Variants in B4GALT5 observed in about 807,000 individuals in gnomAD.
B4GALT5 encodes UDP-Gal:beta-GlcNAc beta-1,4-galactosyltransferase 5.
In B4GALT5, 11 loss-of-function variants were observed where a neutral mutation model predicts 45.0. That is an observed-to-expected ratio of 0.24 (90% CI 0.15 to 0.40). B4GALT5 has a LOEUF of 0.40. Ranked by LOEUF, B4GALT5 falls within the 10% of genes least tolerant of loss-of-function variation. The probability of loss-of-function intolerance (pLI) is 1.00; values close to 1 mark genes in which losing one functional copy is unlikely to be tolerated. For synonymous variants in B4GALT5, 185 were observed against 182.9 expected (o/e 1.01, Z -0.09); for missense variants, 337 against 500.2 (o/e 0.67, Z 3.11).
At position 49,640,263 on chromosome 20, in the gene B4GALT5, C is replaced by T. The variant is rs1043170830; in HGVS notation, c.794+215G>A. On this transcript the variant is annotated intron_variant, in intron 6 of 8. Transcript: ENST00000371711. ...CAACCTTTGTGTCTGGCTTCTTTAA[C>T]GTAATGTTTTCGAAGTTCATCCGTG... is the stretch of plus-strand genomic sequence containing the variant. Among the ~76,000 whole-genome samples the T allele has an allele frequency of 7.2e-5, 11 of 152,194 alleles. No homozygotes were observed. In the South Asian group the frequency reaches 1.2e-3, roughly 17 times the overall value.
chr20:49,704,718 C>CAA lies in B4GALT5; in HGVS notation c.115+8856_115+8857dup, dbSNP rs552498759. On this transcript the variant is annotated intron_variant, in intron 1 of 8. Transcript: ENST00000371711. ...TGGGCGACAGAGCAAGACTCTGTCTCAAAAAAAAAACAAAAAAAAACAAAA... is the reference window on the plus strand; with the variant it reads ...TGGGCGACAGAGCAAGACTCTGTCTCAAAAAAAAAAAACAAAAAAAAACAAAA... 2.6e-5 allele frequency among the ~76,000 whole-genome samples: 3 copies of CAA among 114,182 alleles called. No individual in the cohort carries two copies. The East Asian group carries it at 8.2e-4, about 31-fold the overall frequency. The allele number at this position is 114,182 out of a possible 152,430, so 74.9% of individuals were successfully genotyped here.
At position 49,656,685 on chromosome 20, in the gene B4GALT5, T is replaced by C. The variant is rs931293366; in HGVS notation, c.133A>G (p.Met45Val). 5.0e-6 allele frequency: 8 copies of C among 1,614,002 alleles called. No homozygotes were observed. Among genetic ancestry groups the C allele is most frequent in the Middle Eastern group, 3.3e-4 (2 of 6,084 alleles). The change falls in exon 2 of 9, where the codon ATG (methionine) becomes GTG (valine). Residue 45 changes from methionine (M) to valine (V), a missense_variant. Physicochemically the swap from Met to Val is conservative, Grantham distance 21 (BLOSUM62 1). Coordinates refer to ENST00000371711, the MANE Select transcript of B4GALT5 (RefSeq NM_004776.4). ...ATCAGAATGCCTTGGGCTTGCATCA[T>C]GAAGAGGTAGGTGTTCACTGCAGAA... is the stretch of plus-strand genomic sequence containing the variant. ...APGIVNTYLF[M>V]MQAQGILIRD...
intron 1 of B4GALT5, among the ~76,000 whole-genome samples, chr20:49,694,341 T>G (rs1389009404): frequency 6.6e-6 from 1 of 151,976 alleles, no homozygotes; most frequent in African/African-American, 2.4e-5. Context: ...AACTGTAACT[T>G]CCTCTTCCTA....
chr20:49,650,025 A>T (rs1175611912), intron 2 of B4GALT5, among the ~76,000 whole-genome samples: 1 of 152,118 alleles, frequency 6.6e-6, no homozygotes, highest in African/African-American at 2.4e-5. Flanking sequence ...GCTAGAACCT[A>T]ATCAGGAAAC....
chr20:49,667,025 A>C (rs2085693482), intron 1 of B4GALT5, among the ~76,000 whole-genome samples: 1 of 152,156 alleles, frequency 6.6e-6, no homozygotes, highest in African/African-American at 2.4e-5. Flanking sequence ...GCAGGTTGTT[A>C]CCATCAATTT....
At chr20:49,646,197 G>A (rs2085598563) in intron 3 of B4GALT5, among the ~76,000 whole-genome samples, 1 of 152,150 alleles carries the variant, frequency 6.6e-6, no homozygotes. Flanking sequence ...AGGTATAATA[G>A]TAAGGTTCAT....
intron 1 of B4GALT5, among the ~76,000 whole-genome samples, chr20:49,712,434 G>T (rs967063516): frequency 8.6e-5 from 13 of 151,442 alleles, no homozygotes; most frequent in Admixed American, 8.6e-4. Flanking sequence ...GGTGCCCTGT[G>T]GTCTTATAAA....
At chr20:49,692,327 C>T (rs1050352480) in intron 1 of B4GALT5, among the ~76,000 whole-genome samples, 17 of 149,700 alleles carry the variant, frequency 1.1e-4, no homozygotes, top group African/African-American at 4.2e-4. Flanking sequence ...AGTAGCCAGG[C>T]ATGGTGGCGC....
intron 3 of B4GALT5, among the ~76,000 whole-genome samples, chr20:49,644,978 T>C (rs1256620283): frequency 6.6e-6 from 1 of 152,036 alleles, no homozygotes; most frequent in Non-Finnish European, 1.5e-5. Context: ...AGCCTAAAAG[T>C]ATAGGAAAGG....
intron 1 of B4GALT5, among the ~76,000 whole-genome samples, chr20:49,664,755 G>A (rs1252683745): frequency 1.3e-5 from 2 of 150,878 alleles, no homozygotes; most frequent in Non-Finnish European, 2.9e-5. Flanking sequence ...GATGTATATT[G>A]AAGTATTTAG....
In B4GALT5 at chr20:49,643,634, T is replaced by A. The variant is rs773961414; in HGVS notation, c.381A>T (p.Ile127=). 3.7e-6 allele frequency: 6 copies of A among 1,613,992 alleles called. No individual in the cohort carries two copies. Among genetic ancestry groups the A allele is most frequent in the Non-Finnish European group, 5.1e-6 (6 of 1,179,926 alleles). ...RLPSMKGPID[I]NMSEIGMDYI... The stretch of plus-strand genomic sequence containing the variant: ...AATCCATTCCAATTTCACTCATGTT[T>A]ATGTCTATTGGGCCCTCTGAACAGA... Residue 127 remains isoleucine, a synonymous_variant, in exon 4 of 9, where the codon ATA becomes ATT. Transcript: ENST00000371711.
At chr20:49,679,464 C>T (rs931898760) in intron 1 of B4GALT5, among the ~76,000 whole-genome samples, 3 of 151,278 alleles carry the variant, frequency 2.0e-5, no homozygotes, top group Admixed American at 6.6e-5. Context: ...GTCAGAAGTT[C>T]GAGACCAGCC....
At chr20:49,686,848 A>G (rs546090577) in intron 1 of B4GALT5, among the ~76,000 whole-genome samples, 3 of 151,778 alleles carry the variant, frequency 2.0e-5, no homozygotes, top group Non-Finnish European at 4.4e-5. Flanking sequence ...GCAATGAGCT[A>G]TAATTATGCC....
chr20:49,642,601 C>T lies in B4GALT5; in HGVS notation c.490-17G>A. 6 of 1,569,698 alleles carry T rather than the reference C, an allele frequency of 3.8e-6. No homozygotes were observed. The highest frequency in any genetic ancestry group is 5.3e-6 in the Non-Finnish European group (6 of 1,141,988). ...GATCGCCACCTGGAGTGGATTACAGCAAAAGAAGCACAGTTAGGACTCTCA... is the reference window on the plus strand; with the variant it reads ...GATCGCCACCTGGAGTGGATTACAGTAAAAGAAGCACAGTTAGGACTCTCA... On this transcript the variant is annotated splice_polypyrimidine_tract_variant and intron_variant, in intron 4 of 8. Coordinates refer to ENST00000371711, the MANE Select transcript of B4GALT5 (RefSeq NM_004776.4).
intron 7 of B4GALT5, among the ~76,000 whole-genome samples, chr20:49,639,352 T>C (rs924361944): frequency 6.6e-6 from 1 of 150,958 alleles, no homozygotes; most frequent in Non-Finnish European, 1.5e-5. Flanking sequence ...AAAACTTGGA[T>C]GTGTGTGGTG....
intron 1 of B4GALT5, among the ~76,000 whole-genome samples, chr20:49,673,122 C>T (rs1459211027): frequency 6.6e-6 from 1 of 152,180 alleles, no homozygotes; most frequent in Non-Finnish European, 1.5e-5. Flanking sequence ...TGGCTCACAC[C>T]TGTAATCCCA....
At chr20:49,703,726 TA>T (rs754947222) in intron 1 of B4GALT5, among the ~76,000 whole-genome samples, 17,680 of 52,016 alleles carry the variant, frequency 0.34, 1,237 homozygotes, top group East Asian at 0.43. Context: ...GCATTTCTAC[TA>T]AAAAAAAAAA....
chr20:49,657,971 C>A (rs771685404), intron 1 of B4GALT5, among the ~76,000 whole-genome samples: 4 of 152,108 alleles, frequency 2.6e-5, no homozygotes, highest in Non-Finnish European at 5.9e-5. Context: ...TAAACAGGGA[C>A]ATTGAAATCT....
At chr20:49,701,837 A>G (rs1192266194) in intron 1 of B4GALT5, among the ~76,000 whole-genome samples, 1 of 151,654 alleles carries the variant, frequency 6.6e-6, no homozygotes, top group Non-Finnish European at 1.5e-5. Context: ...CACTTTGGGA[A>G]GCCAAGACAG....
Sources: allele counts gnomAD v4.1 joint callset (sites outside exome capture counted in the v4.1 genomes callset), GRCh38; gene constraint gnomAD v4.1.1; transcripts MANE v1.5; gene names NCBI Gene and HGNC (gene_info 2026-07-23, HGNC 2026-07-21).